The following ITGA4 variants were observed in gnomAD, a reference collection of about 807,000 sequenced individuals.
The protein encoded by ITGA4 is integrin subunit alpha 4.
In ITGA4, 63 loss-of-function variants were observed where a neutral mutation model predicts 133.6. The observed-to-expected ratio is 0.47, with a 90% CI of 0.38 to 0.58. The LOEUF (loss-of-function observed/expected upper bound fraction) is 0.58. ITGA4 is among the 20% of genes least tolerant of loss of function. The pLI is 0.00. For missense variants in ITGA4, 1,076 were observed against 1,252.7 expected (o/e 0.86, Z 2.13); for synonymous variants, 483 against 438.0 (o/e 1.10, Z -1.28).
intron 15 of ITGA4, among the ~76,000 whole-genome samples, chr2:181,499,733 A>G (rs931018808): frequency 2.0e-5 from 3 of 152,184 alleles, no homozygotes; most frequent in Non-Finnish European, 4.4e-5. Context: ...ATAGAATATT[A>G]ATGTAACCAT....
chr2:181,524,475 G>T (rs1686792675), intron 20 of ITGA4: 1 of 400,566 alleles, frequency 2.5e-6, no homozygotes, highest in Non-Finnish European at 4.4e-6. Flanking sequence ...GAGTAGACAT[G>T]ATGTGTCACG....
chr2:181,494,750 C>A lies in ITGA4; in HGVS notation c.1277C>A (p.Ser426Ter), dbSNP rs763842758. The A allele has an allele frequency of 3.1e-6, 5 of 1,603,362 alleles. No individual in the cohort carries two copies. Among genetic ancestry groups the A allele is most frequent in the South Asian group, 1.1e-5 (1 of 90,842 alleles). Residue 426 changes from serine to a stop codon, truncating the protein, a stop_gained, in exon 12 of 28, where the codon TCG becomes TAG. Coordinates refer to ENST00000397033, the MANE Select transcript of ITGA4 (RefSeq NM_000885.6). LOFTEE classifies it high-confidence loss of function. Reference sequence around the variant, plus strand: ...ATTGAAGGACTTCAGATCAGCAAATCGTTAAGTATGTTTGGACAGTCTATA... The same window carrying A: ...ATTGAAGGACTTCAGATCAGCAAATAGTTAAGTATGTTTGGACAGTCTATA... ...QRIEGLQISKSLSMFGQSISG... is the reference protein window; with the variant it reads ...QRIEGLQISK
At chr2:181,496,889 C>T (rs923823701) in intron 14 of ITGA4, among the ~76,000 whole-genome samples, 4 of 152,124 alleles carry the variant, frequency 2.6e-5, no homozygotes, top group African/African-American at 9.7e-5. Context: ...GAAGGGCCCA[C>T]ATACTTATTA....
Position 181,535,649 on chromosome 2 carries a change from C to A in ITGA4, c.*122C>A. The stretch of plus-strand genomic sequence containing the variant: ...ACTTCTTTTACTCATGATCTTGTGA[C>A]ATATTATGTCTTCATGCAAGGGGAA... On this transcript the variant is annotated 3_prime_UTR_variant, in exon 28 of 28. Transcript: ENST00000397033. The A allele has an allele frequency of 7.9e-7, 1 of 1,268,076 alleles. No individual in the cohort carries two copies. 78.6% of individuals were successfully genotyped at this position (1,268,076 alleles called of 1,614,324 possible). A position where few individuals can be genotyped will look rare whatever the true frequency, so the allele number is the denominator to read the frequency against.
At chr2:181,515,296 A>G (rs1017927656) in intron 17 of ITGA4, among the ~76,000 whole-genome samples, 5 of 152,100 alleles carry the variant, frequency 3.3e-5, no homozygotes, top group Non-Finnish European at 5.9e-5. Flanking sequence ...GTGGGTAAAA[A>G]TAGTACCGAC....
At chr2:181,528,171 C>T (rs777820410) in intron 22 of ITGA4, among the ~76,000 whole-genome samples, 7 of 152,106 alleles carry the variant, frequency 4.6e-5, no homozygotes, top group Non-Finnish European at 7.4e-5. Context: ...CTTGGGGTAC[C>T]TATCCAGAAT....
At chr2:181,478,912 T>A in intron 5 of ITGA4, 88 bp downstream of exon 5, 1 of 640,290 alleles carries the variant, frequency 1.6e-6, no homozygotes, top group Non-Finnish European at 2.4e-6. Context: ...TGTTTTAAAG[T>A]AAAAATTGTG....
intron 10 of ITGA4, among the ~76,000 whole-genome samples, chr2:181,491,090 A>G (rs1017475800): frequency 2.0e-5 from 3 of 152,228 alleles, no homozygotes; most frequent in African/African-American, 7.2e-5. Flanking sequence ...CTGAATCTAT[A>G]TATGTGATAG....
chr2:181,531,738 C>G lies in ITGA4; in HGVS notation c.2746C>G (p.His916Asp), dbSNP rs747660249. The G allele has an allele frequency of 1.2e-6, 2 of 1,603,776 alleles. No homozygotes were observed. The highest frequency in any genetic ancestry group is 1.7e-6 in the Non-Finnish European group (2 of 1,175,408). The part of the protein sequence containing the change: ...KMESGKEASV[H>D]IQLEGRPSIL... ...GGAAAGTGGAAAAGAAGCCAGTGTT[C>G]ATATCCAACTGGAAGGCCGGCCATC... Residue 916 changes from histidine to aspartate, a missense_variant, in exon 25 of 28, where the codon CAT becomes GAT. His to Asp is a moderately conservative substitution (Grantham distance 81, BLOSUM62 -1). This residue lies in a region of ITGA4 where 193 missense variants were observed against 172.3 expected (regional missense o/e 1.12). Transcript: ENST00000397033.
chr2:181,471,630 A>G (rs189807598), intron 2 of ITGA4, among the ~76,000 whole-genome samples: 43 of 152,276 alleles, frequency 2.8e-4, no homozygotes, highest in Non-Finnish European at 4.7e-4. Context: ...GAAGGCAACT[A>G]TTGTTTGGAA....
rs1685153396 is a variant in ITGA4, at chr2:181,457,575, T to C, written c.-80T>C. On this transcript the variant is annotated 5_prime_UTR_variant, in exon 1 of 28. Transcript: ENST00000397033. The stretch of plus-strand genomic sequence containing the variant: ...TGCGCCTCATCTCTTGGGGCGTTCT[T>C]CCCCGTTGGCCAACCGTCGCATCCC... 1.5e-6 allele frequency: 2 copies of C among 1,324,742 alleles called. No homozygotes were observed. Among genetic ancestry groups the C allele is most frequent in the Non-Finnish European group, 2.1e-6 (2 of 958,986 alleles). The allele number at this position is 1,324,742 out of a possible 1,614,324, so 82.1% of individuals were successfully genotyped here.
rs1196260835 is a variant in ITGA4, at chr2:181,495,590, A to T, written c.1385+174A>T. Among the ~76,000 whole-genome samples the T allele has an allele frequency of 7.2e-5, 11 of 152,184 alleles. 1 individual carries two copies. The highest frequency in any genetic ancestry group is 2.7e-4 in the African/African-American group (11 of 41,434). On this transcript the variant is annotated intron_variant, in intron 13 of 27. Coordinates refer to ENST00000397033, the MANE Select transcript of ITGA4 (RefSeq NM_000885.6). This position sits in a 1 kb window ranked among gnomAD's most constrained non-coding sequence, Gnocchi z 4.3. ...CACCTTACAGAGATATAATTAAATCATCAAAGTCAATATTTTTAGACATTT... is the reference window on the plus strand; with the variant it reads ...CACCTTACAGAGATATAATTAAATCTTCAAAGTCAATATTTTTAGACATTT...
intron 2 of ITGA4, among the ~76,000 whole-genome samples, chr2:181,461,922 C>T (rs1685290124): frequency 1.3e-5 from 2 of 151,972 alleles, no homozygotes; most frequent in African/African-American, 4.8e-5. Flanking sequence ...TAAGAAAACT[C>T]ATTAATTTTT....
intron 7 of ITGA4, 56 bp from the exon 8 acceptor site, chr2:181,482,304 G>A (rs1559042682): frequency 2.7e-5 from 40 of 1,475,798 alleles, no homozygotes; most frequent in Non-Finnish European, 3.4e-5. Flanking sequence ...AGAAAGGAGT[G>A]GTGTTTTAAA....
At chr2:181,494,574 T>G in intron 11 of ITGA4, 148 bp from the exon 12 acceptor site, 2 of 609,528 alleles carry the variant, frequency 3.3e-6, no homozygotes, top group East Asian at 5.5e-5. Context: ...TTTGTCACCC[T>G]TAGAAGTATT....
chr2:181,511,619 A>C, intron 16 of ITGA4, 80 bp from the exon 17 acceptor site: 1 of 713,624 alleles, frequency 1.4e-6, no homozygotes, highest in Non-Finnish European at 2.5e-6. Flanking sequence ...CATGCATCAC[A>C]GGTGTCGTCA....
At chr2:181,527,975 G>A (rs896577335) in intron 22 of ITGA4, among the ~76,000 whole-genome samples, 1 of 152,096 alleles carries the variant, frequency 6.6e-6, no homozygotes, top group African/African-American at 2.4e-5. Flanking sequence ...ATTTTTTGCT[G>A]TCAAACTGAT....
At chr2:181,457,899 A>G in intron 1 of ITGA4, 48 bp downstream of exon 1, 2 of 1,514,374 alleles carry the variant, frequency 1.3e-6, no homozygotes, top group East Asian at 2.3e-5. Context: ...GAGCGGCGTG[A>G]GAATGGCGCC....
chr2:181,537,792 A>C lies in ITGA4; in HGVS notation c.*2265A>C. 1 of 460,842 alleles carries C rather than the reference A, an allele frequency of 2.2e-6. No homozygotes were observed. The highest frequency in any genetic ancestry group is 1.6e-5 in the South Asian group (1 of 63,482). The allele number at this position is 460,842 out of a possible 1,614,324, so 28.5% of individuals were successfully genotyped here. On this transcript the variant is annotated 3_prime_UTR_variant, in exon 28 of 28. Coordinates refer to ENST00000397033, the MANE Select transcript of ITGA4 (RefSeq NM_000885.6). Reference sequence around the variant, plus strand: ...AAAACAGAATTTGAATTGATATTTCATCTTGACTTTTAAAGCCCTAGAGGC... The same window carrying C: ...AAAACAGAATTTGAATTGATATTTCCTCTTGACTTTTAAAGCCCTAGAGGC...
Sources: gnomAD v4.1 joint callset for allele counts (sites outside exome capture counted in the v4.1 genomes callset) on GRCh38, gnomAD v4.1.1 for gene constraint, gnomAD v4.1.1 regional missense constraint, Gnocchi (gnomAD v3.1) non-coding constraint, MANE v1.5 for transcripts, NCBI Gene and HGNC (gene_info 2026-07-23, HGNC 2026-07-21) for gene names.